Variants in TMEM106B observed in about 807,000 individuals in gnomAD.
TMEM106B encodes transmembrane protein 106B.
In TMEM106B, 15 loss-of-function variants were observed where a neutral mutation model predicts 31.1. The ratio of observed to expected loss-of-function variants is 0.48; its 90% CI spans 0.32 to 0.74. The LOEUF is 0.74. Ranked by LOEUF, TMEM106B falls within the 30% of genes least tolerant of loss-of-function variation. TMEM106B has a pLI of 0.03. For missense variants in TMEM106B, 283 were observed against 327.3 expected, an observed-to-expected ratio of 0.86 and a Z score of 1.04; for synonymous variants, 126 against 112.5, an observed-to-expected ratio of 1.12 and a Z score of -0.76.
intron 4 of TMEM106B, among the ~76,000 whole-genome samples, chr7:12,229,007 A>G (rs1025186265): frequency 6.6e-6 from 1 of 152,042 alleles, no homozygotes; most frequent in Non-Finnish European, 1.5e-5. Flanking sequence ...GTTATAGATT[A>G]TAACCGATGC....
At chr7:12,230,542 G>C (rs1274156928) in intron 6 of TMEM106B, 104 bp downstream of exon 6, 1 of 754,912 alleles carries the variant, frequency 1.3e-6, no homozygotes, top group Non-Finnish European at 2.1e-6. Context: ...CAGTCAAAAA[G>C]AGTACATTAT....
At chr7:12,218,720 T>C (rs1781734350) in intron 3 of TMEM106B, among the ~76,000 whole-genome samples, 199 bp downstream of exon 3, 1 of 152,148 alleles carries the variant, frequency 6.6e-6, no homozygotes. Flanking sequence ...GAAAGCAGTA[T>C]GGTATCTTTA....
chr7:12,223,980 A>T (rs974901665), intron 3 of TMEM106B, among the ~76,000 whole-genome samples: 7 of 152,054 alleles, frequency 4.6e-5, no homozygotes, highest in Admixed American at 3.9e-4. Flanking sequence ...CAGCCTCTCA[A>T]AGTGCTGGGA....
intron 3 of TMEM106B, among the ~76,000 whole-genome samples, chr7:12,219,762 A>T (rs1054818944): frequency 2.0e-5 from 3 of 152,202 alleles, no homozygotes; most frequent in African/African-American, 7.2e-5. Flanking sequence ...AATAGAACAT[A>T]AACGGGAGGA....
chr7:12,234,191 T>G lies in TMEM106B; in HGVS notation c.*2216T>G, dbSNP rs1407554704. 1 of 151,818 alleles carries G rather than the reference T, an allele frequency of 6.6e-6. No homozygotes were observed. The highest frequency in any genetic ancestry group is 2.4e-5 in the African/African-American group (1 of 41,420). The allele number at this position is 151,818 out of a possible 1,614,324, so 9.4% of individuals were successfully genotyped here. A position where few individuals can be genotyped will look rare whatever the true frequency, so the allele number is the denominator to read the frequency against. ...TACATCGTGTAAATTAAACAGATTT[T>G]TCTGATGATCTGTGCTTCTTATATA... On this transcript the variant is annotated 3_prime_UTR_variant, in exon 8 of 8. Transcript: ENST00000396668.
Position 12,241,251 on chromosome 7 carries a change from CTT to C in TMEM106B, c.*9284_*9285del, listed in dbSNP as rs1411459165. On this transcript the variant is annotated 3_prime_UTR_variant, in exon 8 of 8. Coordinates refer to ENST00000396668, the MANE Select transcript of TMEM106B (RefSeq NM_001134232.2). ...TCCCAAATCTATTTCAGACACCTAACTTTTTTTTTATTTTTTATACTTTAAGT... is the reference window on the plus strand; with the variant it reads ...TCCCAAATCTATTTCAGACACCTAACTTTTTTTATTTTTTATACTTTAAGT... 1 of 151,476 alleles carries C rather than the reference CTT, an allele frequency of 6.6e-6. No homozygotes were observed. The highest frequency in any genetic ancestry group is 6.6e-5 in the Admixed American group (1 of 15,164). 9.4% of individuals were successfully genotyped at this position (151,476 alleles called of 1,614,324 possible). A position where few individuals can be genotyped will look rare whatever the true frequency, so the allele number is the denominator to read the frequency against.
At chr7:12,226,353 T>A (rs954200939) in intron 4 of TMEM106B, among the ~76,000 whole-genome samples, 1 of 152,186 alleles carries the variant, frequency 6.6e-6, no homozygotes, top group Non-Finnish European at 1.5e-5. Context: ...ACATTGTTTT[T>A]GAAAGGACCG....
chr7:12,212,519 T>C (rs1292303302), intron 1 of TMEM106B, among the ~76,000 whole-genome samples: 1 of 151,378 alleles, frequency 6.6e-6, no homozygotes, highest in Non-Finnish European at 1.5e-5. Context: ...AGAGTGAAAA[T>C]CTCATTTTAC....
chr7:12,221,695 G>A (rs1781790953), intron 3 of TMEM106B, among the ~76,000 whole-genome samples: 1 of 152,204 alleles, frequency 6.6e-6, no homozygotes, highest in Admixed American at 6.5e-5. Context: ...CCAGCCTGCA[G>A]CACAAGGAAG....
chr7:12,230,424 A>C lies in TMEM106B; in HGVS notation c.618A>C (p.Glu206Asp). 6.3e-7 allele frequency: 1 copy of C among 1,597,634 alleles called. No homozygotes were observed. Among genetic ancestry groups the C allele is most frequent in the Non-Finnish European group, 8.6e-7 (1 of 1,168,444 alleles). Residue 206 changes from glutamate (E) to aspartate (D), a missense_variant, in exon 6 of 8, where the codon GAA (glutamate) becomes GAC (aspartate). Around this residue, in one of 3 missense-constraint regions of TMEM106B, gnomAD observed 201 missense variants for 211.5 expected, o/e 0.95. Coordinates refer to ENST00000396668, the MANE Select transcript of TMEM106B (RefSeq NM_001134232.2). Reference protein sequence around the residue: ...DYTVPTVIAEEMSYMYDFCTL... With the variant: ...DYTVPTVIAEDMSYMYDFCTL... ...CAGTACCTACCGTTATAGCAGAGGAAATGAGTTATATGTAGTAAGTTCTGA... is the reference window on the plus strand; with the variant it reads ...CAGTACCTACCGTTATAGCAGAGGACATGAGTTATATGTAGTAAGTTCTGA...
Position 12,218,641 on chromosome 7 carries a change from A to T in TMEM106B, c.281+120A>T, listed in dbSNP as rs73677520. The T allele has an allele frequency of 4.4e-4, 343 of 773,454 alleles. No homozygotes were observed. The African/African-American group carries it at 5.4e-3, about 12-fold the overall frequency. 47.9% of individuals were successfully genotyped at this position (773,454 alleles called of 1,614,324 possible). On this transcript the variant is annotated intron_variant, in intron 3 of 7. Transcript: ENST00000396668. ...AAGAAAAAATGCTGTCACGTAGTTA[A>T]ATTATGTCATCATATGCTTTGTATC...
chr7:12,216,591 A>G (rs1473799684), intron 2 of TMEM106B, among the ~76,000 whole-genome samples: 1 of 152,176 alleles, frequency 6.6e-6, no homozygotes, highest in Admixed American at 6.5e-5. Flanking sequence ...TGACAGCAGC[A>G]AGCTAGTCAG....
At position 12,230,439 on chromosome 7, in the gene TMEM106B, G is replaced by A. The variant is rs1554310351; in HGVS notation, c.632+1G>A. On this transcript the variant is annotated splice_donor_variant, in intron 6 of 7. Transcript: ENST00000396668. LOFTEE classifies it high-confidence loss of function. ...TAGCAGAGGAAATGAGTTATATGTA[G>A]TAAGTTCTGATTTATAATAACTTTT... The A allele has an allele frequency of 1.3e-6, 2 of 1,569,274 alleles. No homozygotes were observed. Among genetic ancestry groups the A allele is most frequent in the Non-Finnish European group, 8.7e-7 (1 of 1,145,310 alleles).
rs999795878 is a variant in TMEM106B at position 12,232,091 on chromosome 7, C to G, written c.*116C>G. The G allele has an allele frequency of 8.5e-6, 8 of 943,120 alleles. No individual in the cohort carries two copies. The African/African-American group carries it at 9.9e-5, about 12-fold the overall frequency. 58.4% of individuals were successfully genotyped at this position (943,120 alleles called of 1,614,324 possible). On this transcript the variant is annotated 3_prime_UTR_variant, in exon 8 of 8. Coordinates refer to ENST00000396668, the MANE Select transcript of TMEM106B (RefSeq NM_001134232.2). ...TTGAACAAACCTAAAGTTTACACTT[C>G]TAAGAGTACAGTTAAAAGTATGTGG...
At chr7:12,226,861 T>G (rs1282290111) in intron 4 of TMEM106B, among the ~76,000 whole-genome samples, 1 of 152,120 alleles carries the variant, frequency 6.6e-6, no homozygotes, top group African/African-American at 2.4e-5. Flanking sequence ...ACTGGGGAAT[T>G]GTTGGGTATT....
intron 3 of TMEM106B, among the ~76,000 whole-genome samples, chr7:12,222,743 A>G (rs1781812689): frequency 6.6e-6 from 1 of 152,244 alleles, no homozygotes; most frequent in Admixed American, 6.5e-5. Flanking sequence ...AGACAACAGC[A>G]TGGACTTAGT....
At chr7:12,211,528 G>A (rs529015260) in intron 1 of TMEM106B, 103 bp downstream of exon 1, 1 of 152,866 alleles carries the variant, frequency 6.5e-6, no homozygotes, top group South Asian at 2.1e-4. Flanking sequence ...GAGGCCGCTG[G>A]GGTGCTGGGC....
At chr7:12,230,269 C>G (rs1462614565) in intron 5 of TMEM106B, 120 bp from the exon 6 acceptor site, 3 of 780,814 alleles carry the variant, frequency 3.8e-6, no homozygotes, top group Non-Finnish European at 6.7e-6. Context: ...AAGATGAAAT[C>G]TTTGAGAATC....
intron 4 of TMEM106B, among the ~76,000 whole-genome samples, chr7:12,225,427 C>T (rs192614159): frequency 6.6e-6 from 1 of 152,102 alleles, no homozygotes; most frequent in African/African-American, 2.4e-5. Context: ...AGTTCTAGAT[C>T]CTTGAAGAAT....
Sources: gnomAD v4.1 joint callset for allele counts (sites outside exome capture counted in the v4.1 genomes callset) on GRCh38, gnomAD v4.1.1 for gene constraint, gnomAD v4.1.1 regional missense constraint, MANE v1.5 for transcripts, NCBI Gene and HGNC (gene_info 2026-07-23, HGNC 2026-07-21) for gene names.